The following PDZRN3 variants were observed in gnomAD, a reference collection of about 807,000 sequenced individuals.
PDZRN3 encodes E3 ubiquitin-protein ligase PDZRN3.
A neutral mutation model predicts 85.7 loss-of-function variants in PDZRN3; 38 were observed. That is an observed-to-expected ratio of 0.44 (90% CI 0.34 to 0.58). PDZRN3 has a LOEUF of 0.58. PDZRN3 is among the 20% of genes least tolerant of loss of function. PDZRN3 has a pLI of 0.01. For synonymous variants in PDZRN3, 759 were observed against 638.0 expected, an observed-to-expected ratio of 1.19 and a Z score of -2.86; for missense variants, 1,629 against 1,506.4, an observed-to-expected ratio of 1.08 and a Z score of -1.35.
Position 73,384,647 on chromosome 3 carries a change from A to G in PDZRN3, c.1919T>C (p.Val640Ala). Residue 640 changes from valine to alanine, a missense_variant, in exon 10 of 10, where the codon GTG becomes GCG. Coordinates refer to ENST00000263666, the MANE Select transcript of PDZRN3 (RefSeq NM_015009.3). ...CTDADYLGIP[V>A]DECERFRELL... ...CTCGCGGAAGCGCTCGCACTCGTCC[A>G]CCGGGATCCCCAGGTAGTCGGCGTC... is the stretch of plus-strand genomic sequence containing the variant. 1 of 1,613,896 alleles carries G rather than the reference A, an allele frequency of 6.2e-7. No individual in the cohort carries two copies. Among genetic ancestry groups the G allele is most frequent in the Non-Finnish European group, 8.5e-7 (1 of 1,180,032 alleles).
At chr3:73,478,494 A>T (rs536945201) in intron 3 of PDZRN3, among the ~76,000 whole-genome samples, 1 of 152,134 alleles carries the variant, frequency 6.6e-6, no homozygotes, top group African/African-American at 2.4e-5. Flanking sequence ...CTGATTCTAG[A>T]TTATGGTGAA....
chr3:73,497,801 C>A, intron 3 of PDZRN3, among the ~76,000 whole-genome samples: 1 of 149,458 alleles, frequency 6.7e-6, no homozygotes, highest in South Asian at 2.1e-4. Flanking sequence ...GCACAGCGCC[C>A]CCCGTCCCCG....
intron 3 of PDZRN3, among the ~76,000 whole-genome samples, chr3:73,439,176 C>G (rs1412496772): frequency 1.3e-5 from 2 of 152,192 alleles, no homozygotes; most frequent in African/African-American, 4.8e-5. Flanking sequence ...ATATGCCCAC[C>G]AACTTCCTCC....
At chr3:73,459,530 G>A (rs1185825973) in intron 3 of PDZRN3, among the ~76,000 whole-genome samples, 2 of 151,980 alleles carry the variant, frequency 1.3e-5, no homozygotes, top group Non-Finnish European at 2.9e-5. Context: ...GTAGGCTCCA[G>A]TATCTGTTGT....
intron 3 of PDZRN3, among the ~76,000 whole-genome samples, chr3:73,550,238 G>A (rs77852123): frequency 0.04 from 6,032 of 152,148 alleles, 357 homozygotes; most frequent in African/African-American, 0.13. Flanking sequence ...AAGTCTCGCC[G>A]CCACCCCTCA....
chr3:73,397,228 CTT>C (rs1403450310), intron 5 of PDZRN3, among the ~76,000 whole-genome samples: 1 of 152,058 alleles, frequency 6.6e-6, no homozygotes. Context: ...TGTGCATTTG[CTT>C]TAATAATATC....
At chr3:73,387,638 G>C (rs1291278328) in intron 8 of PDZRN3, among the ~76,000 whole-genome samples, 1 of 152,182 alleles carries the variant, frequency 6.6e-6, no homozygotes, top group Non-Finnish European at 1.5e-5. Context: ...ACAGATCAAG[G>C]CTGGAACATA....
chr3:73,578,162 CTTTT>C (rs61521063), intron 3 of PDZRN3, among the ~76,000 whole-genome samples: 3 of 115,332 alleles, frequency 2.6e-5, no homozygotes, highest in Admixed American at 9.1e-5. Context: ...TTTGACCATT[CTTTT>C]TTTTTTTTTT....
intron 5 of PDZRN3, among the ~76,000 whole-genome samples, chr3:73,391,548 A>G (rs1309235023): frequency 6.6e-6 from 1 of 152,216 alleles, no homozygotes; most frequent in Non-Finnish European, 1.5e-5. Context: ...TCACAGTCAT[A>G]GAACTTGCAA....
At chr3:73,539,458 T>A (rs1330687400) in intron 3 of PDZRN3, among the ~76,000 whole-genome samples, 1 of 152,048 alleles carries the variant, frequency 6.6e-6, no homozygotes, top group African/African-American at 2.4e-5. Context: ...CAGGACTCAG[T>A]TGCACTAATA....
intron 3 of PDZRN3, among the ~76,000 whole-genome samples, chr3:73,565,766 T>A (rs1404519865): frequency 1.3e-5 from 2 of 149,204 alleles, no homozygotes; most frequent in East Asian, 4.0e-4. Context: ...AGTGAAACCC[T>A]GTCTCTACTA....
chr3:73,464,297 T>C (rs1419972303), intron 3 of PDZRN3, among the ~76,000 whole-genome samples: 1 of 152,226 alleles, frequency 6.6e-6, no homozygotes, highest in East Asian at 1.9e-4. Context: ...GTGTATTCTT[T>C]ATTGGGTAAT....
At chr3:73,494,443 C>T (rs533550275) in intron 3 of PDZRN3, among the ~76,000 whole-genome samples, 18 of 152,266 alleles carry the variant, frequency 1.2e-4, no homozygotes, top group African/African-American at 4.1e-4. Flanking sequence ...TAAAGCTACT[C>T]CTGAAAAGTT....
intron 5 of PDZRN3, among the ~76,000 whole-genome samples, chr3:73,398,341 CAAG>C (rs1701681823): frequency 6.6e-6 from 1 of 152,202 alleles, no homozygotes; most frequent in Non-Finnish European, 1.5e-5. Flanking sequence ...TGGTGTGACT[CAAG>C]AGAACAAGAG....
chr3:73,393,084 C>T (rs1418813074), intron 5 of PDZRN3, among the ~76,000 whole-genome samples: 6 of 152,152 alleles, frequency 3.9e-5, no homozygotes, highest in East Asian at 1.9e-4. Flanking sequence ...TGTGAATCAA[C>T]GAAATATCAC....
chr3:73,563,008 TATATA>T (rs1389077795), intron 3 of PDZRN3, among the ~76,000 whole-genome samples: 26 of 40,348 alleles, frequency 6.4e-4, no homozygotes, highest in South Asian at 1.0e-3. Flanking sequence ...TATATATATA[TATATA>T]TTTTTTTTTT....
At chr3:73,616,502 T>C (rs1469271933) in intron 1 of PDZRN3, among the ~76,000 whole-genome samples, 2 of 152,202 alleles carry the variant, frequency 1.3e-5, no homozygotes, top group African/African-American at 2.4e-5. Context: ...TTAGCCCAAA[T>C]GAACTTGAAT....
chr3:73,600,620 C>A (rs960758352), intron 3 of PDZRN3, among the ~76,000 whole-genome samples: 6 of 152,042 alleles, frequency 3.9e-5, no homozygotes, highest in Non-Finnish European at 2.9e-5. Flanking sequence ...TACCAGAAAC[C>A]GTACTCAACA....
intron 3 of PDZRN3, among the ~76,000 whole-genome samples, chr3:73,450,585 G>A (rs772250575): frequency 1.3e-5 from 2 of 152,220 alleles, no homozygotes; most frequent in Non-Finnish European, 2.9e-5. Flanking sequence ...TAGCCCACTT[G>A]TAATAAATAC....
Sources: allele counts gnomAD v4.1 joint callset (sites outside exome capture counted in the v4.1 genomes callset), GRCh38; gene constraint gnomAD v4.1.1; transcripts MANE v1.5; gene names NCBI Gene and HGNC (gene_info 2026-07-23, HGNC 2026-07-21).